The following KIF17 variants were observed in gnomAD, a reference collection of about 807,000 sequenced individuals.
KIF17 encodes the protein kinesin family member 17.
KIF17 carries 80 observed loss-of-function variants against 96.8 expected under a neutral mutation model. The ratio of observed to expected loss-of-function variants is 0.83; its 90% CI spans 0.69 to 1.00. The LOEUF is 1.00. KIF17 is among the 50% of genes least tolerant of loss of function. The pLI, the probability that KIF17 is intolerant of heterozygous loss-of-function variation, is 0.00. For missense variants in KIF17, 1,280 were observed against 1,372.9 expected, an observed-to-expected ratio of 0.93 and a Z score of 1.07; for synonymous variants, 567 against 587.5, an observed-to-expected ratio of 0.97 and a Z score of 0.51.
intron 3 of KIF17, 51 bp downstream of exon 3, chr1:20,713,403 G>A (rs1200313368): frequency 5.1e-6 from 7 of 1,366,380 alleles, no homozygotes; most frequent in Non-Finnish European, 7.3e-6. Flanking sequence ...CAGCACCAAT[G>A]CCAACCTCCC....
intron 13 of KIF17, among the ~76,000 whole-genome samples, chr1:20,667,518 T>C (rs1326904562): frequency 2.6e-5 from 4 of 152,172 alleles, no homozygotes; most frequent in Admixed American, 2.6e-4. Flanking sequence ...CCCGAAACTA[T>C]CAGACCCCCC....
chr1:20,679,402 C>G (rs1255248369), intron 11 of KIF17, among the ~76,000 whole-genome samples: 1 of 152,114 alleles, frequency 6.6e-6, no homozygotes, highest in East Asian at 1.9e-4. Context: ...ATTTCTTGAG[C>G]CCAGGAGGTC....
chr1:20,668,089 T>C (rs1385881928), intron 13 of KIF17, among the ~76,000 whole-genome samples: 1 of 151,550 alleles, frequency 6.6e-6, no homozygotes. Context: ...GGTGGGCAGA[T>C]CACGAGGTCA....
intron 1 of KIF17, among the ~76,000 whole-genome samples, chr1:20,716,064 C>T (rs1570491158): frequency 6.6e-6 from 1 of 152,054 alleles, no homozygotes. Context: ...CTTGGCAACA[C>T]GGTGAAACCC....
At chr1:20,692,067 C>T (rs956957564) in intron 6 of KIF17, among the ~76,000 whole-genome samples, 2 of 152,328 alleles carry the variant, frequency 1.3e-5, no homozygotes, top group Middle Eastern at 3.4e-3. Context: ...TTAGGATCTG[C>T]TAATGGTATC....
intron 2 of KIF17, 126 bp downstream of exon 2, chr1:20,715,367 C>T: frequency 1.6e-6 from 2 of 1,248,532 alleles, no homozygotes; most frequent in Non-Finnish European, 2.3e-6. Context: ...AACCCAGAGC[C>T]TTCTCTGCTG....
At position 20,704,296 on chromosome 1, in the gene KIF17, AACCAG is replaced by A; in HGVS notation, c.1123+146_1123+150del. 6 of 674,050 alleles carry A rather than the reference AACCAG, an allele frequency of 8.9e-6. 1 individual carries two copies. Among genetic ancestry groups the A allele is most frequent in the South Asian group, 1.6e-5 (1 of 63,396 alleles). 41.8% of individuals were successfully genotyped at this position (674,050 alleles called of 1,614,324 possible). A position where few individuals can be genotyped will look rare whatever the true frequency, so the allele number is the denominator to read the frequency against. On this transcript the variant is annotated intron_variant, in intron 5 of 14. Coordinates refer to ENST00000400463, the MANE Select transcript of KIF17 (RefSeq NM_001122819.3). This position sits in a 1 kb window ranked among gnomAD's most constrained non-coding sequence, Gnocchi z 6.8. ...AGCAGATACCATCTGGGCCGTCTCC[AACCAG>A]GGCCCTGCGCTCACATGGGGCTGAG...
intron 7 of KIF17, among the ~76,000 whole-genome samples, chr1:20,688,307 C>T (rs2053977649): frequency 6.6e-6 from 1 of 152,154 alleles, no homozygotes. Flanking sequence ...ACTCGGCCTC[C>T]CAAAGTGCTG....
At chr1:20,677,623 G>A (rs683624) in intron 11 of KIF17, among the ~76,000 whole-genome samples, 4,142 of 152,284 alleles carry the variant, frequency 0.027, 204 homozygotes, top group African/African-American at 0.095. Flanking sequence ...AGAGGCCGAG[G>A]TGGGTGGATC....
intron 13 of KIF17, among the ~76,000 whole-genome samples, chr1:20,669,569 A>AAT (rs2053601526): frequency 3.4e-5 from 4 of 118,828 alleles, no homozygotes; most frequent in Admixed American, 1.7e-4. Context: ...AATAATAAAT[A>AAT]AAATAAAATA....
chr1:20,716,239 C>G (rs113568714), intron 1 of KIF17, among the ~76,000 whole-genome samples: 8,454 of 103,640 alleles, frequency 0.082, 347 homozygotes, highest in South Asian at 0.11. Flanking sequence ...GAGACTCCGT[C>G]TCAAAAAAAA....
chr1:20,676,733 A>C (rs754855934), intron 11 of KIF17, among the ~76,000 whole-genome samples: 9 of 152,092 alleles, frequency 5.9e-5, no homozygotes, highest in Non-Finnish European at 1.3e-4. Flanking sequence ...TGGGAGGCTG[A>C]GGCAGGAGAA....
intron 6 of KIF17, among the ~76,000 whole-genome samples, chr1:20,690,748 G>A (rs932520751): frequency 2.0e-5 from 3 of 151,218 alleles, no homozygotes; most frequent in South Asian, 2.1e-4. Context: ...GTGCAGTGGC[G>A]CCATCTCGGC....
chr1:20,682,260 T>C (rs1450389943), intron 11 of KIF17, among the ~76,000 whole-genome samples: 2 of 152,214 alleles, frequency 1.3e-5, no homozygotes, highest in Non-Finnish European at 2.9e-5. Flanking sequence ...TCTGTCACTG[T>C]GACTGCTCTG....
At chr1:20,675,150 CA>C (rs35262169) in intron 11 of KIF17, among the ~76,000 whole-genome samples, 21,592 of 115,524 alleles carry the variant, frequency 0.19, 1,524 homozygotes, top group African/African-American at 0.24. Context: ...GACTCCATCT[CA>C]AAAAAAAAAA....
Position 20,694,376 on chromosome 1 carries a change from G to C in KIF17, c.1233+4003C>G, listed in dbSNP as rs181853874. Among the ~76,000 whole-genome samples, 314 of 152,262 alleles carry C rather than the reference G, an allele frequency of 2.1e-3. 1 individual carries two copies. Among genetic ancestry groups the C allele is most frequent in the African/African-American group, 7.1e-3 (296 of 41,540 alleles). The stretch of plus-strand genomic sequence containing the variant: ...GAGGAGGGATTCAAGAAACACCTGC[G>C]GAGCCAGTAAATGGCAGAGCAGAAC... On this transcript the variant is annotated intron_variant, in intron 6 of 14. Transcript: ENST00000400463.
Position 20,664,333 on chromosome 1 carries a change from A to G in KIF17, c.*251T>C. 2.1e-6 allele frequency: 3 copies of G among 1,404,218 alleles called. No individual in the cohort carries two copies. Among genetic ancestry groups the G allele is most frequent in the Non-Finnish European group, 2.8e-6 (3 of 1,079,660 alleles). 87.0% of individuals were successfully genotyped at this position (1,404,218 alleles called of 1,614,324 possible). ...CTCTGTGGCAGGTGAGCAGACGGAA[A>G]CACTGATGTGGTATGAACAGCTGGA... is the stretch of plus-strand genomic sequence containing the variant. On this transcript the variant is annotated 3_prime_UTR_variant, in exon 15 of 15. Transcript: ENST00000400463.
At chr1:20,705,344 C>T (rs893245431) in intron 4 of KIF17, among the ~76,000 whole-genome samples, 2 of 152,160 alleles carry the variant, frequency 1.3e-5, no homozygotes, top group Admixed American at 1.3e-4. Flanking sequence ...ACCCGGTTCC[C>T]AACCCAGTCG....
At chr1:20,671,738 C>T (rs1321083647) in intron 12 of KIF17, among the ~76,000 whole-genome samples, 200 bp downstream of exon 12, 3 of 152,206 alleles carry the variant, frequency 2.0e-5, no homozygotes, top group Non-Finnish European at 2.9e-5. Flanking sequence ...ACACAGGGAA[C>T]GGTGCTGCCA....
Sources: allele counts gnomAD v4.1 joint callset (sites outside exome capture counted in the v4.1 genomes callset), GRCh38; gene constraint gnomAD v4.1.1; non-coding constraint Gnocchi (gnomAD v3.1); transcripts MANE v1.5; gene names NCBI Gene and HGNC (gene_info 2026-07-23, HGNC 2026-07-21).